The following BIRC6 variants were observed in gnomAD, a reference collection of about 807,000 sequenced individuals.
The protein encoded by BIRC6 is dual E2 ubiquitin-conjugating enzyme/E3 ubiquitin-protein ligase BIRC6.
BIRC6 carries 98 observed loss-of-function variants against 503.3 expected under a neutral mutation model. The observed-to-expected ratio is 0.19, with a 90% CI of 0.17 to 0.23. BIRC6 has a LOEUF of 0.23. BIRC6 is among the 10% of genes least tolerant of loss of function. BIRC6 has a pLI of 1.00. For synonymous variants in BIRC6, 2,240 were observed against 2,078.7 expected (o/e 1.08, Z -2.11); for missense variants, 5,360 against 5,806.0 (o/e 0.92, Z 2.50).
chr2:32,411,003 T>G (rs2041810783), intron 9 of BIRC6, among the ~76,000 whole-genome samples: 1 of 149,380 alleles, frequency 6.7e-6, no homozygotes, highest in African/African-American at 2.5e-5. Context: ...CCCAGCCTAT[T>G]TGGGCAACTT....
At chr2:32,397,287 A>G (rs1372496539) in intron 6 of BIRC6, among the ~76,000 whole-genome samples, 3 of 151,494 alleles carry the variant, frequency 2.0e-5, no homozygotes, top group Non-Finnish European at 4.4e-5. Context: ...CCTGGCTAAC[A>G]TGGTGAAACC....
intron 26 of BIRC6, 85 bp downstream of exon 26, chr2:32,465,249 A>ATTT (rs11353879): frequency 4.3e-4 from 117 of 272,514 alleles, no homozygotes; most frequent in South Asian, 9.8e-4. Context: ...CTTCAGTTCG[A>ATTT]TTTTTTTTTT....
chr2:32,504,884 C>T, intron 49 of BIRC6, 121 bp from the exon 50 acceptor site: 1 of 878,102 alleles, frequency 1.1e-6, no homozygotes, highest in Non-Finnish European at 1.8e-6. Context: ...AGTGCATTAC[C>T]AGCATCAATT....
rs576283122 is a variant in BIRC6, at chr2:32,544,169, G to GA, written c.12592+634dup. ...AAGCTAATATTGGTAACAGATCATGGAAAAAACGTACTAAAAACTTTAGAT... is the reference window on the plus strand; with the variant it reads ...AAGCTAATATTGGTAACAGATCATGGAAAAAAACGTACTAAAAACTTTAGAT... On this transcript the variant is annotated intron_variant, in intron 62 of 73. Transcript: ENST00000421745. Among the ~76,000 whole-genome samples the GA allele has an allele frequency of 5.9e-3, 905 of 152,156 alleles. 11 individuals are homozygous for GA. The highest frequency in any genetic ancestry group is 0.021 in the African/African-American group (871 of 41,518).
At chr2:32,532,800 A>G (rs1015328088) in intron 61 of BIRC6, among the ~76,000 whole-genome samples, 1 of 152,164 alleles carries the variant, frequency 6.6e-6, no homozygotes, top group Non-Finnish European at 1.5e-5. Context: ...AAAGACCCCA[A>G]CATTTTCAGC....
At chr2:32,582,812 C>G (rs1261954487) in intron 66 of BIRC6, among the ~76,000 whole-genome samples, 1 of 152,080 alleles carries the variant, frequency 6.6e-6, no homozygotes, top group Non-Finnish European at 1.5e-5. Context: ...AGAAGGAACT[C>G]AGGATTAACA....
intron 5 of BIRC6, among the ~76,000 whole-genome samples, chr2:32,394,958 G>T (rs985315897): frequency 2.6e-5 from 4 of 152,158 alleles, no homozygotes; most frequent in African/African-American, 9.7e-5. Context: ...AGACCATCCT[G>T]GCTAACACGG....
chr2:32,497,142 T>C (rs2149408467), intron 45 of BIRC6, among the ~76,000 whole-genome samples: 1 of 152,300 alleles, frequency 6.6e-6, no homozygotes, highest in Admixed American at 6.5e-5. Context: ...TGAACATAGA[T>C]TGTTTCTTCT....
At chr2:32,449,008 T>C in intron 22 of BIRC6, 80 bp downstream of exon 22, 1 of 1,363,932 alleles carries the variant, frequency 7.3e-7, no homozygotes, top group Non-Finnish European at 1.0e-6. Context: ...TAGATTATAG[T>C]CATGATGTTT....
intron 65 of BIRC6, among the ~76,000 whole-genome samples, chr2:32,569,736 T>G (rs767640471): frequency 5.9e-5 from 9 of 152,138 alleles, no homozygotes; most frequent in Non-Finnish European, 1.2e-4. Context: ...CTTGGCTAGA[T>G]GATTATTGGT....
intron 1 of BIRC6, among the ~76,000 whole-genome samples, chr2:32,366,386 A>C (rs775684519): frequency 6.6e-6 from 1 of 152,094 alleles, no homozygotes; most frequent in Non-Finnish European, 1.5e-5. Context: ...GATTTGTTCA[A>C]TACCTTCTTT....
At chr2:32,360,507 G>A (rs544299150) in intron 1 of BIRC6, among the ~76,000 whole-genome samples, 8 of 152,234 alleles carry the variant, frequency 5.3e-5, no homozygotes, top group African/African-American at 1.7e-4. Flanking sequence ...TTATTTATAA[G>A]TTTTGTGAAA....
chr2:32,517,960 T>C (rs745811291), intron 55 of BIRC6, among the ~76,000 whole-genome samples: 2 of 152,154 alleles, frequency 1.3e-5, no homozygotes, highest in Non-Finnish European at 2.9e-5. Context: ...GGGAGTTCGT[T>C]ATGCTAGGTA....
At chr2:32,537,538 T>C (rs1011915437) in intron 61 of BIRC6, among the ~76,000 whole-genome samples, 3 of 152,202 alleles carry the variant, frequency 2.0e-5, no homozygotes, top group African/African-American at 7.2e-5. Context: ...TTTATACTCA[T>C]TGGAGAAAAT....
chr2:32,381,219 A>G (rs1169725707), intron 3 of BIRC6, among the ~76,000 whole-genome samples: 2 of 152,066 alleles, frequency 1.3e-5, no homozygotes, highest in African/African-American at 4.8e-5. Context: ...ATATTGTGTT[A>G]TGATATACCT....
chr2:32,455,796 C>G (rs2047198779), intron 23 of BIRC6, among the ~76,000 whole-genome samples: 1 of 152,170 alleles, frequency 6.6e-6, no homozygotes, highest in Admixed American at 6.5e-5. Context: ...GAACGAGTTT[C>G]TTGTCTTTAC....
chr2:32,594,956 TG>T, intron 67 of BIRC6, 77 bp from the exon 68 acceptor site: 1 of 910,910 alleles, frequency 1.1e-6, no homozygotes, highest in Non-Finnish European at 1.6e-6. Context: ...ACTCTAGAGG[TG>T]AATTCTTTTT....
At chr2:32,550,142 A>AT (rs1380653341) in intron 65 of BIRC6, among the ~76,000 whole-genome samples, 1 of 152,098 alleles carries the variant, frequency 6.6e-6, no homozygotes, top group Non-Finnish European at 1.5e-5. Flanking sequence ...AACCTTTATT[A>AT]TTTATTGTTT....
chr2:32,467,805 T>C, intron 27 of BIRC6, 66 bp downstream of exon 27: 1 of 1,459,500 alleles, frequency 6.9e-7, no homozygotes, highest in South Asian at 1.4e-5. Flanking sequence ...GAAAAATGAA[T>C]ATATAATTAA....
Sources: gnomAD v4.1 joint callset for allele counts (sites outside exome capture counted in the v4.1 genomes callset) on GRCh38, gnomAD v4.1.1 for gene constraint, MANE v1.5 for transcripts, NCBI Gene and HGNC (gene_info 2026-07-23, HGNC 2026-07-21) for gene names.